ALDH1L2: variants seen among roughly 807,000 people sequenced by gnomAD.
The protein encoded by ALDH1L2 is mitochondrial 10-formyltetrahydrofolate dehydrogenase.
A neutral mutation model predicts 111.0 loss-of-function variants in ALDH1L2; 91 were observed. The observed-to-expected ratio is 0.82, with a 90% CI of 0.69 to 0.98. The LOEUF is 0.98. ALDH1L2 is among the 50% of genes least tolerant of loss of function. The pLI is 0.00. For synonymous variants in ALDH1L2, 374 were observed against 392.6 expected, an observed-to-expected ratio of 0.95 and a Z score of 0.56; for missense variants, 995 against 1,126.8, an observed-to-expected ratio of 0.88 and a Z score of 1.67.
intron 1 of ALDH1L2, among the ~76,000 whole-genome samples, chr12:105,074,458 C>CAAAA (rs59114614): frequency 6.2e-4 from 24 of 38,850 alleles, no homozygotes; most frequent in South Asian, 2.1e-3. Context: ...ACTCTGTCTC[C>CAAAA]AAAAAAAAAA....
At chr12:105,042,842 A>T (rs1875621282) in intron 15 of ALDH1L2, among the ~76,000 whole-genome samples, 2 of 151,720 alleles carry the variant, frequency 1.3e-5, no homozygotes, top group Non-Finnish European at 2.9e-5. Context: ...CACCTTAAAC[A>T]TCTATTATAG....
At chr12:105,069,285 A>G (rs1010602803) in intron 3 of ALDH1L2, among the ~76,000 whole-genome samples, 11 of 152,168 alleles carry the variant, frequency 7.2e-5, no homozygotes, top group Non-Finnish European at 7.4e-5. Flanking sequence ...AGAAGATAAA[A>G]TAGGATACTC....
intron 17 of ALDH1L2, 28 bp downstream of exon 17, chr12:105,039,685 C>T (rs4964120): frequency 0.37 from 579,401 of 1,584,792 alleles, 110,076 homozygotes; most frequent in South Asian, 0.52. Flanking sequence ...ACAGGATCTG[C>T]AGTGAATCAA....
At position 105,062,983 on chromosome 12, in the gene ALDH1L2, C is replaced by T; in HGVS notation, c.826G>A (p.Val276Met). The T allele has an allele frequency of 1.2e-6, 2 of 1,613,894 alleles. No individual in the cohort carries two copies. The highest frequency in any genetic ancestry group is 1.7e-6 in the Non-Finnish European group (2 of 1,179,942). Residue 276 changes from valine (V) to methionine (M), a missense_variant, in exon 7 of 23, where the codon GTG (valine) becomes ATG (methionine). By Grantham distance (21) the Val-to-Met change is conservative (BLOSUM62 1). Transcript: ENST00000258494. Reference sequence around the variant, plus strand: ...ATTTCCAGTGGTTCTCCAGGAGGCACAGAGCTATTCAGTAATGTCGAGCCA... The same window carrying T: ...ATTTCCAGTGGTTCTCCAGGAGGCATAGAGCTATTCAGTAATGTCGAGCCA... ...FYGSTLLNSS[V>M]PPGEPLEIKG...
At chr12:105,065,613 T>TGAGG (rs1469668462) in intron 5 of ALDH1L2, among the ~76,000 whole-genome samples, 1 of 152,200 alleles carries the variant, frequency 6.6e-6, no homozygotes. Flanking sequence ...AGCGGGCTGT[T>TGAGG]GAGGGGAGTA....
At chr12:105,027,497 G>A (rs1355909683) in intron 21 of ALDH1L2, among the ~76,000 whole-genome samples, 9 of 152,224 alleles carry the variant, frequency 5.9e-5, no homozygotes, top group Admixed American at 5.9e-4. Context: ...AGGTGGGAGA[G>A]TAGGGTGGTT....
In ALDH1L2 at chr12:105,052,301, T is replaced by C. The variant is rs1275763964; in HGVS notation, c.1408-84A>G. On this transcript the variant is annotated intron_variant, in intron 11 of 22. Coordinates refer to ENST00000258494, the MANE Select transcript of ALDH1L2 (RefSeq NM_001034173.4). ...ATTAATATTGTATTAATAGAAAAAA[T>C]AGAGTATTACTGATTTTAAAAAAAG... 3.0e-6 allele frequency: 4 copies of C among 1,341,912 alleles called. No homozygotes were observed. In the African/African-American group the frequency reaches 6.1e-5, roughly 21 times the overall value. 83.1% of individuals were successfully genotyped at this position (1,341,912 alleles called of 1,614,324 possible). A position where few individuals can be genotyped will look rare whatever the true frequency, so the allele number is the denominator to read the frequency against.
At chr12:105,047,567 T>C (rs1875995605) in intron 13 of ALDH1L2, 1 of 153,304 alleles carries the variant, frequency 6.5e-6, no homozygotes, top group Non-Finnish European at 1.5e-5. Flanking sequence ...TCTCACATAC[T>C]AGTCCTAACT....
chr12:105,052,538 A>G (rs1228119017), intron 11 of ALDH1L2, among the ~76,000 whole-genome samples: 1 of 152,200 alleles, frequency 6.6e-6, no homozygotes, highest in Non-Finnish European at 1.5e-5. Flanking sequence ...GTTTTTTCAC[A>G]TATATCTCTA....
At chr12:105,028,881 C>T (rs1291883959) in intron 21 of ALDH1L2, among the ~76,000 whole-genome samples, 1 of 152,140 alleles carries the variant, frequency 6.6e-6, no homozygotes, top group Admixed American at 6.5e-5. Flanking sequence ...CTATTATTTG[C>T]TCACTGCAAT....
chr12:105,073,627 T>C, intron 2 of ALDH1L2: 1 of 510,476 alleles, frequency 2.0e-6, no homozygotes, highest in East Asian at 3.3e-5. Context: ...CAGTCACTCT[T>C]GCAAATAGAT....
intron 8 of ALDH1L2, 143 bp downstream of exon 8, chr12:105,061,484 G>A (rs1328152299): frequency 8.2e-7 from 1 of 1,218,064 alleles, no homozygotes; most frequent in Non-Finnish European, 1.1e-6. Context: ...ATATGAATTT[G>A]GAGGTTGATT....
intron 20 of ALDH1L2, among the ~76,000 whole-genome samples, chr12:105,031,475 GTTTTA>G (rs368663798): frequency 0.094 from 14,257 of 151,934 alleles, 735 homozygotes; most frequent in Middle Eastern, 0.13. Context: ...CCCCTTCTTT[GTTTTA>G]TTTTGTTTTG....
chr12:105,028,762 T>C (rs1236701283), intron 21 of ALDH1L2, among the ~76,000 whole-genome samples: 4 of 152,188 alleles, frequency 2.6e-5, no homozygotes. Context: ...ACATTGTTTA[T>C]GTCTACAGCA....
chr12:105,022,938 T>C lies in ALDH1L2; in HGVS notation c.*1486A>G, dbSNP rs1874229068. The C allele has an allele frequency of 6.6e-6, 1 of 152,216 alleles. No homozygotes were observed. Among genetic ancestry groups the C allele is most frequent in the Non-Finnish European group, 1.5e-5 (1 of 68,038 alleles). 9.4% of individuals were successfully genotyped at this position (152,216 alleles called of 1,614,324 possible). A position where few individuals can be genotyped will look rare whatever the true frequency, so the allele number is the denominator to read the frequency against. On this transcript the variant is annotated 3_prime_UTR_variant, in exon 23 of 23. Transcript: ENST00000258494. ...CTGAAATTTTATTTTTAAAGGAGGA[T>C]TAATAGAATTTAACTTTCTGGCTAT...
At position 105,070,616 on chromosome 12, in the gene ALDH1L2, G is replaced by A; in HGVS notation, c.382C>T (p.His128Tyr). Residue 128 changes from histidine to tyrosine, a missense_variant, in exon 3 of 23, where the codon CAC becomes TAC. Coordinates refer to ENST00000258494, the MANE Select transcript of ALDH1L2 (RefSeq NM_001034173.4). The stretch of plus-strand genomic sequence containing the variant: ...CTGTGCCTGGGCAGGATGGATGGGT[G>A]ATAAATGATAGAGCCGTGCTTTGGA... Reference protein sequence around the residue: ...DSPKHGSIIYHPSILPRHRGA... With the variant: ...DSPKHGSIIYYPSILPRHRGA... The A allele has an allele frequency of 1.2e-6, 2 of 1,614,118 alleles. No individual in the cohort carries two copies. The highest frequency in any genetic ancestry group is 1.7e-6 in the Non-Finnish European group (2 of 1,179,986).
chr12:105,058,628 T>C (rs1005588509), intron 9 of ALDH1L2, among the ~76,000 whole-genome samples: 23 of 152,228 alleles, frequency 1.5e-4, no homozygotes, highest in African/African-American at 5.3e-4. Flanking sequence ...TTCTCTAAAT[T>C]ACAAGTATAA....
intron 12 of ALDH1L2, among the ~76,000 whole-genome samples, chr12:105,050,870 C>T (rs1876215237): frequency 1.3e-5 from 2 of 152,174 alleles, no homozygotes; most frequent in African/African-American, 4.8e-5. Flanking sequence ...AGTGACCTCC[C>T]ACTGGGTCCC....
At chr12:105,053,524 C>T (rs958774144) in intron 10 of ALDH1L2, among the ~76,000 whole-genome samples, 3 of 152,076 alleles carry the variant, frequency 2.0e-5, no homozygotes, top group Non-Finnish European at 4.4e-5. Flanking sequence ...TGAGGAAAAA[C>T]TGAGGTAATA....
Sources: allele counts gnomAD v4.1 joint callset (sites outside exome capture counted in the v4.1 genomes callset), GRCh38; gene constraint gnomAD v4.1.1; transcripts MANE v1.5; gene names NCBI Gene and HGNC (gene_info 2026-07-23, HGNC 2026-07-21).